The following TGM5 variants were observed in gnomAD, a reference collection of about 807,000 sequenced individuals.
TGM5 encodes the protein transglutaminase 5.
A neutral mutation model predicts 77.2 loss-of-function variants in TGM5; 69 were observed. The ratio of observed to expected loss-of-function variants is 0.89; its 90% CI spans 0.74 to 1.09. The LOEUF (loss-of-function observed/expected upper bound fraction) is 1.09, where lower values mean the gene tolerates loss of function less well. TGM5 is among the 50% of genes least tolerant of loss of function. The probability of loss-of-function intolerance (pLI) is 0.00; values close to 1 mark genes in which losing one functional copy is unlikely to be tolerated. For synonymous variants in TGM5, 346 were observed against 351.8 expected (o/e 0.98, Z 0.18); for missense variants, 842 against 896.5 (o/e 0.94, Z 0.78).
intron 4 of TGM5, 101 bp from the exon 5 acceptor site, chr15:43,253,735 C>T (rs2142374710): frequency 6.7e-7 from 1 of 1,503,046 alleles, no homozygotes; most frequent in East Asian, 2.3e-5. Flanking sequence ...TATAAACTCA[C>T]TTGGAAGGTA....
chr15:43,253,457 G>C, intron 5 of TGM5, 49 bp downstream of exon 5: 1 of 1,603,536 alleles, frequency 6.2e-7, no homozygotes, highest in Non-Finnish European at 8.5e-7. Context: ...AGTGGGCAGG[G>C]CTCCCGCTGC....
In TGM5 at chr15:43,261,074, G is replaced by GTTTTTTTTTT. The variant is rs1387299009; in HGVS notation, c.11-496_11-495insAAAAAAAAAA. ...AGCTGCTCTTCCTTTTTTTGTGTGT[G>GTTTTTTTTTT]TGTTTTTTTTTTTTTTTTTTTTTTT... On this transcript the variant is annotated intron_variant, in intron 1 of 12. Coordinates refer to ENST00000220420, the MANE Select transcript of TGM5 (RefSeq NM_201631.4). 1.1e-4 allele frequency among the ~76,000 whole-genome samples: 8 copies of GTTTTTTTTTT among 73,868 alleles called. 1 individual carries two copies. Among genetic ancestry groups the GTTTTTTTTTT allele is most frequent in the Admixed American group, 5.5e-4 (3 of 5,478 alleles). 48.5% of individuals were successfully genotyped at this position (73,868 alleles called of 152,430 possible).
Position 43,253,556 on chromosome 15 carries a change from A to G in TGM5, c.634T>C (p.Cys212Arg), listed in dbSNP as rs1036011588. The G allele has an allele frequency of 6.2e-7, 1 of 1,613,720 alleles. No homozygotes were observed. The highest frequency in any genetic ancestry group is 1.3e-5 in the African/African-American group (1 of 74,928). Residue 212 changes from cysteine (C) to arginine (R), a missense_variant, in exon 5 of 13, where the codon TGT becomes CGT. Coordinates refer to ENST00000220420, the MANE Select transcript of TGM5 (RefSeq NM_201631.4). ...TAGACGGGGCTTCCCCGCAGAGCAC[A>G]GTCTGTGGCTGGGTCAGTCTGGAAG... ...LHFQTDPATD[C>R]ALRGSPVYVS...
rs772776670 is a variant in TGM5, at chr15:43,253,546, C to T, written c.644G>A (p.Arg215Gln). 8.7e-6 allele frequency: 14 copies of T among 1,613,646 alleles called. No homozygotes were observed. Among genetic ancestry groups the T allele is most frequent in the Admixed American group, 3.3e-5 (2 of 60,028 alleles). Residue 215 changes from arginine (R) to glutamine (Q), a missense_variant, in exon 5 of 13, where the codon CGG (arginine) becomes CAG (glutamine). Physicochemically the swap from Arg to Gln is conservative, Grantham distance 43. Coordinates refer to ENST00000220420, the MANE Select transcript of TGM5 (RefSeq NM_201631.4). ...TCTGCTGACGTAGACGGGGCTTCCC[C>T]GCAGAGCACAGTCTGTGGCTGGGTC... ...QTDPATDCAL[R>Q]GSPVYVSRVV...
intron 4 of TGM5, 145 bp downstream of exon 4, chr15:43,256,423 G>A (rs943154095): frequency 1.6e-5 from 12 of 759,316 alleles, no homozygotes; most frequent in Non-Finnish European, 2.6e-5. Flanking sequence ...GCTGCTCCTC[G>A]GGCAACCTGG....
rs758206600 is a variant in TGM5, at chr15:43,253,590, C to T, written c.600G>A (p.Lys200=). ...CTGGGTCAGTCTGGAAGTGCAGGCTCTTGTCTAGCAGCTTCAGGCAGATGT... is the reference window on the plus strand; with the variant it reads ...CTGGGTCAGTCTGGAAGTGCAGGCTTTTGTCTAGCAGCTTCAGGCAGATGT... The part of the protein sequence containing the change: ...IIDICLKLLD[K]SLHFQTDPAT... The change falls in exon 5 of 13, where the codon AAG becomes AAA. Residue 200 remains lysine, a synonymous_variant. Transcript: ENST00000220420. 1 of 1,613,902 alleles carries T rather than the reference C, an allele frequency of 6.2e-7. No individual in the cohort carries two copies. The highest frequency in any genetic ancestry group is 8.5e-7 in the Non-Finnish European group (1 of 1,180,032).
chr15:43,261,076 G>GTTTTTT (rs1555384178), intron 1 of TGM5, among the ~76,000 whole-genome samples: 1 of 56,884 alleles, frequency 1.8e-5, no homozygotes. Context: ...TTGTGTGTGT[G>GTTTTTT]TTTTTTTTTT....
At chr15:43,253,468 A>C in intron 5 of TGM5, 38 bp downstream of exon 5, 1 of 1,606,230 alleles carries the variant, frequency 6.2e-7, no homozygotes, top group South Asian at 1.1e-5. Context: ...CTCCCGCTGC[A>C]CAGCTTCCTC....
In TGM5 at chr15:43,235,685, G is replaced by T; in HGVS notation, c.1498C>A (p.Arg500=). The T allele has an allele frequency of 6.2e-7, 1 of 1,614,080 alleles. No homozygotes were observed. Among genetic ancestry groups the T allele is most frequent in the East Asian group, 2.2e-5 (1 of 44,898 alleles). ...GAGACTTGCACCACATCACTGGGTC[G>T]AAGGGAAGGTGTATGCAGGCTCCGA... ...SPRSLHTPSL[R]PSDVVQVSLK... The change falls in exon 10 of 13, where the codon CGA becomes AGA. Residue 500 remains arginine, a synonymous_variant. Coordinates refer to ENST00000220420, the MANE Select transcript of TGM5 (RefSeq NM_201631.4).
intron 6 of TGM5, among the ~76,000 whole-genome samples, chr15:43,245,905 G>T (rs114141767): frequency 6.7e-6 from 1 of 148,444 alleles, no homozygotes; most frequent in Admixed American, 6.7e-5. Flanking sequence ...GTGTTGGGGG[G>T]GGGGGTCTTA....
In TGM5 at chr15:43,252,857, C is replaced by T. The variant is rs755598857; in HGVS notation, c.764G>A (p.Trp255Ter). 10 of 1,613,900 alleles carry T rather than the reference C, an allele frequency of 6.2e-6. No homozygotes were observed. The highest frequency in any genetic ancestry group is 7.6e-6 in the Non-Finnish European group (9 of 1,180,030). Reference sequence around the variant, plus strand: ...CTTCAGGATGGCCACGCTGCCCGTCCACTCCGCAGGGTTGGCGCCGTCTGT... The same window carrying T: ...CTTCAGGATGGCCACGCTGCCCGTCTACTCCGCAGGGTTGGCGCCGTCTGT... Reference protein sequence around the residue: ...NYTDGANPAEWTGSVAILKQW... With the variant: ...NYTDGANPAE Residue 255 changes from tryptophan to a stop codon, truncating the protein, a stop_gained, in exon 6 of 13, where the codon TGG becomes TAG. Transcript: ENST00000220420. LOFTEE classifies it high-confidence loss of function.
chr15:43,242,149 A>G (rs913666582), intron 6 of TGM5, among the ~76,000 whole-genome samples: 3 of 152,230 alleles, frequency 2.0e-5, no homozygotes, highest in African/African-American at 7.2e-5. Flanking sequence ...AAGACAAAGA[A>G]TCAGAGGCTA....
At chr15:43,251,835 C>T (rs2042705717) in intron 6 of TGM5, among the ~76,000 whole-genome samples, 1 of 152,200 alleles carries the variant, frequency 6.6e-6, no homozygotes, top group Non-Finnish European at 1.5e-5. Context: ...GCCATCTTTT[C>T]CACATATGTA....
chr15:43,244,695 A>G (rs898936225), intron 6 of TGM5, among the ~76,000 whole-genome samples: 4 of 152,248 alleles, frequency 2.6e-5, no homozygotes, highest in African/African-American at 9.6e-5. Flanking sequence ...GAGGATACAA[A>G]AATGAAAGAC....
rs777586604 is a variant in TGM5, at chr15:43,239,232, G to A, written c.1036C>T (p.Arg346Trp). 2.6e-5 allele frequency: 42 copies of A among 1,614,016 alleles called. No homozygotes were observed. The highest frequency in any genetic ancestry group is 1.2e-4 in the South Asian group (11 of 91,090). Residue 346 changes from arginine to tryptophan, a missense_variant, in exon 8 of 13, where the codon CGG (arginine) becomes TGG (tryptophan). This residue lies in a region of TGM5 where 815 missense variants were observed against 844.6 expected (regional missense o/e 0.96). Coordinates refer to ENST00000220420, the MANE Select transcript of TGM5 (RefSeq NM_201631.4). The stretch of plus-strand genomic sequence containing the variant: ...CCATATGCAGGGGGCAGATCCTTCC[G>A]GGCCATCCAGCACTCATTCCAGACA... The part of the protein sequence containing the change: ...FHVWNECWMA[R>W]KDLPPAYGGW...
intron 1 of TGM5, 78 bp downstream of exon 1, chr15:43,266,762 C>G: frequency 6.4e-7 from 1 of 1,563,290 alleles, no homozygotes; most frequent in Non-Finnish European, 8.8e-7. Context: ...TGAATCCACC[C>G]TCCACCCCTT....
intron 11 of TGM5, among the ~76,000 whole-genome samples, chr15:43,234,534 G>C (rs535548474): frequency 6.6e-6 from 1 of 152,288 alleles, no homozygotes; most frequent in East Asian, 1.9e-4. Flanking sequence ...ACAAGAGGGG[G>C]GTCTCTCCTA....
chr15:43,259,006 G>A (rs952733385), intron 3 of TGM5, among the ~76,000 whole-genome samples: 2 of 152,176 alleles, frequency 1.3e-5, no homozygotes, highest in Non-Finnish European at 2.9e-5. Context: ...AGAGGCGTTA[G>A]AACCCATCCA....
At chr15:43,237,961 G>A (rs2042602330) in intron 9 of TGM5, among the ~76,000 whole-genome samples, 1 of 152,222 alleles carries the variant, frequency 6.6e-6, no homozygotes, top group Non-Finnish European at 1.5e-5. Context: ...GATGAGGCCG[G>A]AGGCCCCAGG....
Sources: allele counts gnomAD v4.1 joint callset (sites outside exome capture counted in the v4.1 genomes callset), GRCh38; gene constraint gnomAD v4.1.1; regional missense constraint gnomAD v4.1.1; transcripts MANE v1.5; gene names NCBI Gene and HGNC (gene_info 2026-07-23, HGNC 2026-07-21).